KCNIP4: variants seen among roughly 807,000 people sequenced by gnomAD.
The protein encoded by KCNIP4 is potassium voltage-gated channel interacting protein 4.
In KCNIP4, 12 loss-of-function variants were observed where a neutral mutation model predicts 34.0. The observed-to-expected ratio is 0.35, with a 90% CI of 0.23 to 0.57. The LOEUF is 0.57. Among genes scored for constraint, KCNIP4 ranks in the 20% least tolerant of loss-of-function variants. The pLI is 0.83. For synonymous variants in KCNIP4, 124 were observed against 102.2 expected, an observed-to-expected ratio of 1.21 and a Z score of -1.29; for missense variants, 238 against 311.7, an observed-to-expected ratio of 0.76 and a Z score of 1.78.
chr4:21,586,537 A>G (rs1741630681), intron 1 of KCNIP4, among the ~76,000 whole-genome samples: 1 of 152,060 alleles, frequency 6.6e-6, no homozygotes, highest in African/African-American at 2.4e-5. Flanking sequence ...TAAAAATCAA[A>G]GGAAGGTGTG....
At chr4:21,631,564 T>C (rs1357743990) in intron 1 of KCNIP4, among the ~76,000 whole-genome samples, 1 of 152,194 alleles carries the variant, frequency 6.6e-6, no homozygotes, top group Non-Finnish European at 1.5e-5. Context: ...AATGTATTTC[T>C]ATCCTCCTAA....
intron 1 of KCNIP4, among the ~76,000 whole-genome samples, chr4:21,142,012 G>GGGCA (rs1455898890): frequency 6.6e-6 from 1 of 151,668 alleles, no homozygotes; most frequent in Non-Finnish European, 1.5e-5. Flanking sequence ...TTTGCGAGGT[G>GGGCA]TGGTGGTGTG....
chr4:21,144,228 T>C (rs62293852), intron 1 of KCNIP4, among the ~76,000 whole-genome samples: 25,954 of 152,228 alleles, frequency 0.17, 2,833 homozygotes, highest in Non-Finnish European at 0.24. Flanking sequence ...AATATGTGAG[T>C]GGTACTTTAA....
chr4:21,588,934 T>G (rs1277099461), intron 1 of KCNIP4, among the ~76,000 whole-genome samples: 1 of 151,396 alleles, frequency 6.6e-6, no homozygotes, highest in East Asian at 1.9e-4. Flanking sequence ...GTAGAACTAA[T>G]CACCTTTTCA....
intron 1 of KCNIP4, among the ~76,000 whole-genome samples, chr4:20,950,056 C>G (rs543011312): frequency 6.7e-6 from 1 of 148,154 alleles, no homozygotes; most frequent in South Asian, 2.1e-4. Context: ...GAAAGGAAAT[C>G]ATGAAAAACT....
At chr4:21,639,638 T>C (rs1208936734) in intron 1 of KCNIP4, among the ~76,000 whole-genome samples, 1 of 152,200 alleles carries the variant, frequency 6.6e-6, no homozygotes, top group Non-Finnish European at 1.5e-5. Context: ...CTAGGACATT[T>C]AATTTAAAAA....
chr4:20,876,951 A>T (rs1224973291), intron 2 of KCNIP4, among the ~76,000 whole-genome samples: 1 of 152,186 alleles, frequency 6.6e-6, no homozygotes, highest in Non-Finnish European at 1.5e-5. Flanking sequence ...ATTGTCGCTG[A>T]TCCTGTAGAT....
intron 1 of KCNIP4, among the ~76,000 whole-genome samples, chr4:21,631,769 A>C (rs926325369): frequency 6.6e-6 from 1 of 151,976 alleles, no homozygotes; most frequent in Non-Finnish European, 1.5e-5. Flanking sequence ...AAAGTTTCTA[A>C]CTCTTGAGTC....
chr4:21,361,501 T>C (rs1177209564), intron 1 of KCNIP4, among the ~76,000 whole-genome samples: 1 of 152,030 alleles, frequency 6.6e-6, no homozygotes, highest in Non-Finnish European at 1.5e-5. Context: ...AAAAAATTAC[T>C]CTTATTAGTG....
In KCNIP4 at chr4:20,867,931, A is replaced by G. The variant is rs187002725; in HGVS notation, c.163+14677T>C. 5.9e-5 allele frequency among the ~76,000 whole-genome samples: 9 copies of G among 152,124 alleles called. No individual in the cohort carries two copies. The East Asian group carries it at 1.7e-3, about 29-fold the overall frequency. On this transcript the variant is annotated intron_variant, in intron 2 of 8. Coordinates refer to ENST00000382152, the MANE Select transcript of KCNIP4 (RefSeq NM_025221.6). ...GCATTAGGAGATATACCTAATGTTA[A>G]TGGGTGCAGCACACCAACATGACAC...
chr4:21,177,878 A>ATATATATATATATATATATGTAT (rs397839047), intron 1 of KCNIP4, among the ~76,000 whole-genome samples: 3 of 145,504 alleles, frequency 2.1e-5, no homozygotes, highest in African/African-American at 7.9e-5. Context: ...ATATATATAT[A>ATATATATATATATATATATGTAT]AAATATAACA....
At chr4:20,871,387 T>C (rs1046450451) in intron 2 of KCNIP4, among the ~76,000 whole-genome samples, 1 of 151,862 alleles carries the variant, frequency 6.6e-6, no homozygotes, top group Non-Finnish European at 1.5e-5. Context: ...TCAAACTCAA[T>C]GTGATCACTA....
chr4:21,145,078 T>C (rs1434007371), intron 1 of KCNIP4, among the ~76,000 whole-genome samples: 1 of 152,230 alleles, frequency 6.6e-6, no homozygotes, highest in African/African-American at 2.4e-5. Context: ...CTTATTTCTT[T>C]GTTTTGAGAT....
chr4:21,203,301 GC>G (rs1307840594), intron 1 of KCNIP4, among the ~76,000 whole-genome samples: 1 of 152,158 alleles, frequency 6.6e-6, no homozygotes, highest in African/African-American at 2.4e-5. Context: ...AAGTCACAGT[GC>G]CCATGGATCT....
At chr4:21,083,948 C>T (rs891648746) in intron 1 of KCNIP4, among the ~76,000 whole-genome samples, 2 of 151,798 alleles carry the variant, frequency 1.3e-5, no homozygotes, top group East Asian at 3.9e-4. Flanking sequence ...TTTACCTCTG[C>T]ACAAATCTAT....
intron 1 of KCNIP4, among the ~76,000 whole-genome samples, chr4:21,665,628 G>A (rs897275764): frequency 6.6e-6 from 1 of 151,802 alleles, no homozygotes; most frequent in African/African-American, 2.4e-5. Context: ...CAAACAAAGT[G>A]TACCTGACTA....
chr4:21,507,447 G>A (rs1254160725), intron 1 of KCNIP4, among the ~76,000 whole-genome samples: 1 of 151,918 alleles, frequency 6.6e-6, no homozygotes, highest in African/African-American at 2.4e-5. Context: ...AGTAGAGACA[G>A]GGTTTGACCG....
intron 1 of KCNIP4, among the ~76,000 whole-genome samples, chr4:21,559,573 G>A (rs1294459805): frequency 6.6e-6 from 1 of 152,052 alleles, no homozygotes; most frequent in African/African-American, 2.4e-5. Flanking sequence ...GGGCTCAACA[G>A]GTTGCTGATG....
chr4:21,508,552 C>A (rs1422972762), intron 1 of KCNIP4, among the ~76,000 whole-genome samples: 1 of 152,180 alleles, frequency 6.6e-6, no homozygotes, highest in African/African-American at 2.4e-5. Flanking sequence ...AGATTAGCTA[C>A]GTATCTAATT....
Sources: gnomAD v4.1 joint callset for allele counts (sites outside exome capture counted in the v4.1 genomes callset) on GRCh38, gnomAD v4.1.1 for gene constraint, MANE v1.5 for transcripts, NCBI Gene and HGNC (gene_info 2026-07-23, HGNC 2026-07-21) for gene names.